The following EPHA3 variants were observed in gnomAD, a reference collection of about 807,000 sequenced individuals.
EPHA3 encodes EPH receptor A3, also known as ephrin type-A receptor 3.
EPHA3 carries 42 observed loss-of-function variants against 107.1 expected under a neutral mutation model. The ratio of observed to expected loss-of-function variants is 0.39; its 90% CI spans 0.31 to 0.51. The LOEUF (loss-of-function observed/expected upper bound fraction) is 0.51. Ranked by LOEUF, EPHA3 falls within the 20% of genes least tolerant of loss-of-function variation. EPHA3 has a pLI of 0.78. For synonymous variants in EPHA3, 461 were observed against 424.8 expected (o/e 1.09, Z -1.05); for missense variants, 1,183 against 1,211.2 (o/e 0.98, Z 0.35).
intron 2 of EPHA3, among the ~76,000 whole-genome samples, chr3:89,197,928 A>G (rs1019339142): frequency 6.6e-6 from 1 of 152,128 alleles, no homozygotes; most frequent in Non-Finnish European, 1.5e-5. Context: ...GTGAGCCAAG[A>G]TCATGCCACT....
chr3:89,299,807 G>A (rs576068939), intron 3 of EPHA3, among the ~76,000 whole-genome samples: 6 of 152,054 alleles, frequency 3.9e-5, no homozygotes, highest in African/African-American at 7.2e-5. Flanking sequence ...CACTGTATAT[G>A]AAATAGGAAA....
intron 16 of EPHA3, among the ~76,000 whole-genome samples, chr3:89,478,363 C>T (rs1710558346): frequency 6.6e-6 from 1 of 152,182 alleles, no homozygotes; most frequent in Non-Finnish European, 1.5e-5. Flanking sequence ...GTTTATTATA[C>T]ATCATAGTGT....
rs1408109283 is a variant in EPHA3, at chr3:89,268,518, T to C, written c.814+57998T>C. On this transcript the variant is annotated intron_variant, in intron 3 of 16. Transcript: ENST00000336596. ...TTTTCTTATTTCTTGATATGTGTGG[T>C]CTATCTGGTTTTCATGTTTCTGTTT... 2.6e-5 allele frequency among the ~76,000 whole-genome samples: 4 copies of C among 152,056 alleles called. No individual in the cohort carries two copies. In the East Asian group the frequency reaches 7.7e-4, roughly 29 times the overall value.
chr3:89,332,769 C>G (rs1425455668), intron 3 of EPHA3, among the ~76,000 whole-genome samples: 1 of 152,162 alleles, frequency 6.6e-6, no homozygotes, highest in East Asian at 1.9e-4. Flanking sequence ...GTGTTTATGG[C>G]TGGGAATTGC....
chr3:89,329,279 C>T (rs561129401), intron 3 of EPHA3, among the ~76,000 whole-genome samples: 25 of 152,090 alleles, frequency 1.6e-4, no homozygotes, highest in Admixed American at 5.9e-4. Flanking sequence ...CTCCCCGCTC[C>T]GCCCCCACCA....
intron 1 of EPHA3, among the ~76,000 whole-genome samples, chr3:89,108,992 A>C (rs1471831678): frequency 1.3e-5 from 2 of 152,180 alleles, no homozygotes; most frequent in Non-Finnish European, 2.9e-5. Context: ...ATACTGTTGT[A>C]TATGTACCTT....
chr3:89,399,090 A>G (rs894596746), intron 6 of EPHA3, among the ~76,000 whole-genome samples: 3 of 151,902 alleles, frequency 2.0e-5, no homozygotes, highest in African/African-American at 4.8e-5. Context: ...AGATCGCGCC[A>G]CTGCACTCCA....
At chr3:89,266,239 G>T (rs1705536186) in intron 3 of EPHA3, among the ~76,000 whole-genome samples, 1 of 152,110 alleles carries the variant, frequency 6.6e-6, no homozygotes, top group African/African-American at 2.4e-5. Flanking sequence ...GAAACCTACA[G>T]TTCAAGTCAC....
intron 2 of EPHA3, among the ~76,000 whole-genome samples, chr3:89,151,084 A>G (rs964798204): frequency 1.3e-5 from 2 of 152,112 alleles, no homozygotes; most frequent in African/African-American, 2.4e-5. Context: ...TAAGAGATAT[A>G]TTATGAAAAA....
intron 10 of EPHA3, among the ~76,000 whole-genome samples, chr3:89,414,362 A>G (rs1205544851): frequency 1.3e-5 from 2 of 151,704 alleles, no homozygotes; most frequent in Non-Finnish European, 3.0e-5. Context: ...ACTTGTGTTC[A>G]TAGAAAGAAA....
At chr3:89,150,629 A>T (rs1328981652) in intron 2 of EPHA3, among the ~76,000 whole-genome samples, 1 of 152,074 alleles carries the variant, frequency 6.6e-6, no homozygotes, top group African/African-American at 2.4e-5. Flanking sequence ...TTGAAAATGG[A>T]TCCATATTCT....
At chr3:89,374,884 GA>G (rs1168171522) in intron 5 of EPHA3, among the ~76,000 whole-genome samples, 1 of 151,474 alleles carries the variant, frequency 6.6e-6, no homozygotes, top group African/African-American at 2.4e-5. Flanking sequence ...AGACTTCATT[GA>G]AAAAAAGTAA....
rs1205063619 is a variant in EPHA3 at position 89,188,508 on chromosome 3, G to A, written c.154-21352G>A. Reference sequence around the variant, plus strand: ...CAAAAATTCTTGATTTCTAATAAATGAAAAATTCTAGAACTCATTCTTCAA... The same window carrying A: ...CAAAAATTCTTGATTTCTAATAAATAAAAAATTCTAGAACTCATTCTTCAA... On this transcript the variant is annotated intron_variant, in intron 2 of 16. Coordinates refer to ENST00000336596, the MANE Select transcript of EPHA3 (RefSeq NM_005233.6). Among the ~76,000 whole-genome samples, 3 of 152,190 alleles carry A rather than the reference G, an allele frequency of 2.0e-5. No individual in the cohort carries two copies. In the East Asian group the frequency reaches 5.8e-4, roughly 29 times the overall value.
chr3:89,259,863 T>C lies in EPHA3; in HGVS notation c.814+49343T>C, dbSNP rs1705373640. 2.6e-5 allele frequency among the ~76,000 whole-genome samples: 4 copies of C among 152,306 alleles called. No homozygotes were observed. The South Asian group carries it at 6.2e-4, about 24-fold the overall frequency. On this transcript the variant is annotated intron_variant, in intron 3 of 16. Transcript: ENST00000336596. The stretch of plus-strand genomic sequence containing the variant: ...TCCCCATTCCACCCATGAAAACTGC[T>C]GTTTTATTTTCTGTCTATTTTTTCA...
At chr3:89,393,790 TA>T (rs1399975184) in intron 5 of EPHA3, among the ~76,000 whole-genome samples, 2 of 143,868 alleles carry the variant, frequency 1.4e-5, no homozygotes, top group Non-Finnish European at 3.1e-5. Flanking sequence ...AATTTTTTTT[TA>T]AAAAATCCAC....
At position 89,431,391 on chromosome 3, in the gene EPHA3, A is replaced by T. The variant is rs1039379030; in HGVS notation, c.2346+32A>T. The T allele has an allele frequency of 5.1e-6, 8 of 1,567,478 alleles. No homozygotes were observed. The African/African-American group carries it at 1.1e-4, about 21-fold the overall frequency. Reference sequence around the variant, plus strand: ...AACTTAGATTTTCTCCTTTTTTATCATTGTTTTCCATCTTGTATCATGTTG... The same window carrying T: ...AACTTAGATTTTCTCCTTTTTTATCTTTGTTTTCCATCTTGTATCATGTTG... On this transcript the variant is annotated intron_variant, in intron 13 of 16. Transcript: ENST00000336596.
At chr3:89,366,383 A>G (rs1708184581) in intron 5 of EPHA3, among the ~76,000 whole-genome samples, 1 of 150,754 alleles carries the variant, frequency 6.6e-6, no homozygotes, top group East Asian at 1.9e-4. Context: ...TGATAATACC[A>G]TTGATCAAGA....
intron 1 of EPHA3, among the ~76,000 whole-genome samples, chr3:89,126,228 C>T (rs895846980): frequency 2.0e-5 from 3 of 151,686 alleles, no homozygotes; most frequent in African/African-American, 7.2e-5. Flanking sequence ...ATGTAACCTT[C>T]CTTCACATCC....
At chr3:89,324,585 A>T (rs1001296666) in intron 3 of EPHA3, among the ~76,000 whole-genome samples, 1 of 151,902 alleles carries the variant, frequency 6.6e-6, no homozygotes, top group Non-Finnish European at 1.5e-5. Flanking sequence ...CAAAAATTAC[A>T]TATATTTAAG....
Sources: allele counts gnomAD v4.1 joint callset (sites outside exome capture counted in the v4.1 genomes callset), GRCh38; gene constraint gnomAD v4.1.1; transcripts MANE v1.5; gene names NCBI Gene and HGNC (gene_info 2026-07-23, HGNC 2026-07-21).